GABBR2: variants seen among roughly 807,000 people sequenced by gnomAD.
GABBR2 encodes the protein G-protein coupled receptor 51.
Under a neutral mutation model 105.6 loss-of-function variants are expected in GABBR2, and 23 were observed. The ratio of observed to expected loss-of-function variants is 0.22; its 90% CI spans 0.16 to 0.31. The LOEUF is 0.31. GABBR2 is among the 10% of genes least tolerant of loss of function. GABBR2 has a pLI of 1.00. For missense variants in GABBR2, 734 were observed against 1,245.5 expected (o/e 0.59, Z 6.18); for synonymous variants, 478 against 499.7 (o/e 0.96, Z 0.58).
At chr9:98,501,934 A>G (rs539331810) in intron 3 of GABBR2, among the ~76,000 whole-genome samples, 9 of 152,298 alleles carry the variant, frequency 5.9e-5, no homozygotes, top group Admixed American at 5.2e-4. Flanking sequence ...AGCTGTCTGA[A>G]CAGCAGAGAC....
At chr9:98,598,631 CT>C (rs1260453928) in intron 1 of GABBR2, among the ~76,000 whole-genome samples, 1 of 112,424 alleles carries the variant, frequency 8.9e-6, no homozygotes, top group Non-Finnish European at 1.7e-5. Context: ...TACGACAGAT[CT>C]AACTTGGGGC....
chr9:98,663,349 T>C (rs975887240), intron 1 of GABBR2, among the ~76,000 whole-genome samples: 1 of 152,136 alleles, frequency 6.6e-6, no homozygotes, highest in South Asian at 2.1e-4. Flanking sequence ...CCGGGGATGA[T>C]GGCAGAAAAC....
intron 12 of GABBR2, among the ~76,000 whole-genome samples, chr9:98,365,935 T>C (rs1320246975): frequency 6.6e-6 from 1 of 152,196 alleles, no homozygotes. Context: ...CTGCCTGAAC[T>C]TCTCTCTGGG....
chr9:98,510,420 A>G (rs562836258), intron 3 of GABBR2, among the ~76,000 whole-genome samples: 1 of 152,328 alleles, frequency 6.6e-6, no homozygotes, highest in African/African-American at 2.4e-5. Flanking sequence ...ACACATAACA[A>G]TATTAATTTT....
chr9:98,494,399 G>A (rs750998594), intron 4 of GABBR2, among the ~76,000 whole-genome samples: 1 of 152,208 alleles, frequency 6.6e-6, no homozygotes, highest in Non-Finnish European at 1.5e-5. Flanking sequence ...GGTACAAGAA[G>A]GAGCTGTGCA....
chr9:98,605,104 A>G (rs1380252698), intron 1 of GABBR2, among the ~76,000 whole-genome samples: 2 of 152,244 alleles, frequency 1.3e-5, no homozygotes, highest in Admixed American at 6.5e-5. Context: ...AAAAGGCAGA[A>G]CAAGTCAGGG....
At chr9:98,645,532 TC>T (rs1227447990) in intron 1 of GABBR2, among the ~76,000 whole-genome samples, 2 of 152,188 alleles carry the variant, frequency 1.3e-5, no homozygotes, top group Admixed American at 1.3e-4. Flanking sequence ...ACCACTCTCA[TC>T]AGGATTTTCT....
intron 2 of GABBR2, among the ~76,000 whole-genome samples, chr9:98,573,870 A>G (rs931884883): frequency 1.3e-5 from 2 of 152,216 alleles, no homozygotes; most frequent in African/African-American, 2.4e-5. Flanking sequence ...TATGCTTTAT[A>G]CATTAAAAAA....
intron 4 of GABBR2, among the ~76,000 whole-genome samples, chr9:98,487,322 T>C (rs1197163730): frequency 3.3e-5 from 5 of 152,046 alleles, no homozygotes; most frequent in African/African-American, 7.2e-5. Flanking sequence ...AGGTCTCTCC[T>C]ATCTGGTTGG....
At chr9:98,664,716 A>G (rs1241215472) in intron 1 of GABBR2, among the ~76,000 whole-genome samples, 1 of 152,200 alleles carries the variant, frequency 6.6e-6, no homozygotes, top group African/African-American at 2.4e-5. Flanking sequence ...CTGGACACTG[A>G]GTCAGATACA....
Position 98,481,480 on chromosome 9 carries a change from A to G in GABBR2, c.733-483T>C, listed in dbSNP as rs760807768. Among the ~76,000 whole-genome samples, 8 of 152,336 alleles carry G rather than the reference A, an allele frequency of 5.3e-5. No individual in the cohort carries two copies. In the East Asian group the frequency reaches 7.7e-4, roughly 15 times the overall value. ...CCAACCACACTCTGCTGCCCTGCAC[A>G]GTGTTCTAGCCCTTTCTACCTTCCT... On this transcript the variant is annotated intron_variant, in intron 4 of 18. Transcript: ENST00000259455.
intron 6 of GABBR2, among the ~76,000 whole-genome samples, chr9:98,468,428 G>A (rs1826603404): frequency 6.6e-6 from 1 of 152,154 alleles, no homozygotes; most frequent in African/African-American, 2.4e-5. Flanking sequence ...ACCTGTGCAG[G>A]GCTGTGCTAG....
At chr9:98,552,874 T>C (rs957843208) in intron 2 of GABBR2, among the ~76,000 whole-genome samples, 1 of 151,962 alleles carries the variant, frequency 6.6e-6, no homozygotes, top group African/African-American at 2.4e-5. Context: ...GCCAGTCCTT[T>C]TTTTCTTTTT....
chr9:98,464,927 G>C (rs1386569331), intron 6 of GABBR2, among the ~76,000 whole-genome samples: 3 of 151,846 alleles, frequency 2.0e-5, no homozygotes, highest in Admixed American at 1.3e-4. Flanking sequence ...CAGCATGCTC[G>C]TTAAGAGTCA....
chr9:98,460,195 C>T (rs1274135430), intron 6 of GABBR2, among the ~76,000 whole-genome samples: 1 of 152,078 alleles, frequency 6.6e-6, no homozygotes, highest in Non-Finnish European at 1.5e-5. Flanking sequence ...CACCTGAGGT[C>T]AGGAGTTCAA....
At chr9:98,579,645 T>C (rs1343965849) in intron 1 of GABBR2, among the ~76,000 whole-genome samples, 2 of 152,208 alleles carry the variant, frequency 1.3e-5, no homozygotes, top group Admixed American at 6.5e-5. Context: ...TGAAAATCGA[T>C]AGTGAACACA....
intron 7 of GABBR2, among the ~76,000 whole-genome samples, chr9:98,433,437 G>C (rs1825847216): frequency 6.6e-6 from 1 of 152,204 alleles, no homozygotes; most frequent in Non-Finnish European, 1.5e-5. Context: ...GTCTGCAGGT[G>C]ATGAATCATG....
At chr9:98,322,171 G>A (rs1361967343) in intron 13 of GABBR2, among the ~76,000 whole-genome samples, 1 of 151,820 alleles carries the variant, frequency 6.6e-6, no homozygotes, top group Non-Finnish European at 1.5e-5. Flanking sequence ...GGCACCAGGG[G>A]CACCCTCTAC....
rs201313726 is a variant in GABBR2, at chr9:98,671,145, AC to A, written c.321+37271del. Among the ~76,000 whole-genome samples the A allele has an allele frequency of 8.6e-3, 1,305 of 151,418 alleles. 9 individuals are homozygous for A. The highest frequency in any genetic ancestry group is 0.01 in the Admixed American group (156 of 15,192). On this transcript the variant is annotated intron_variant, in intron 1 of 18. Transcript: ENST00000259455. ...TCCCATACCTTTAGCAACCACTGCC[AC>A]CCCCCCGCCCCACTTCCCGCTCTCT...
Sources: gnomAD v4.1 joint callset for allele counts (sites outside exome capture counted in the v4.1 genomes callset) on GRCh38, gnomAD v4.1.1 for gene constraint, MANE v1.5 for transcripts, NCBI Gene and HGNC (gene_info 2026-07-23, HGNC 2026-07-21) for gene names.